Variants in RARB observed in about 807,000 individuals in gnomAD.
RARB encodes the protein HBV-activated protein.
In RARB, 17 loss-of-function variants were observed where a neutral mutation model predicts 51.9. The ratio of observed to expected loss-of-function variants is 0.33; its 90% CI spans 0.22 to 0.49. The LOEUF (loss-of-function observed/expected upper bound fraction) is 0.49. Ranked by LOEUF, RARB falls within the 20% of genes least tolerant of loss-of-function variation. RARB has a pLI of 0.99. For synonymous variants in RARB, 215 were observed against 195.4 expected (o/e 1.10, Z -0.84); for missense variants, 369 against 550.8 (o/e 0.67, Z 3.30).
intron 5 of RARB, among the ~76,000 whole-genome samples, chr3:25,301,425 C>T (rs1463342621): frequency 1.4e-5 from 2 of 143,908 alleles, no homozygotes; most frequent in African/African-American, 5.0e-5. Flanking sequence ...TGGAGTTACT[C>T]ACAGCTCTGT....
At chr3:25,012,533 A>G (rs1216622046) in intron 2 of RARB, among the ~76,000 whole-genome samples, 1 of 152,120 alleles carries the variant, frequency 6.6e-6, no homozygotes, top group Non-Finnish European at 1.5e-5. Context: ...AACCTGAATG[A>G]TACACTGATT....
At chr3:25,243,690 G>A (rs1575250253) in intron 5 of RARB, among the ~76,000 whole-genome samples, 1 of 152,066 alleles carries the variant, frequency 6.6e-6, no homozygotes, top group Non-Finnish European at 1.5e-5. Flanking sequence ...GCTTTTTAAT[G>A]TGCTTCTAGA....
At chr3:24,912,156 T>C (rs1469674936) in intron 2 of RARB, among the ~76,000 whole-genome samples, 1 of 152,114 alleles carries the variant, frequency 6.6e-6, no homozygotes, top group Non-Finnish European at 1.5e-5. Flanking sequence ...TTGCTAGAAA[T>C]TTGAGAATGA....
At chr3:25,391,219 C>T (rs1395811519) in intron 5 of RARB, among the ~76,000 whole-genome samples, 2 of 152,088 alleles carry the variant, frequency 1.3e-5, no homozygotes, top group Non-Finnish European at 2.9e-5. Flanking sequence ...CTGTAAATGC[C>T]ATTATTTCAT....
intron 4 of RARB, among the ~76,000 whole-genome samples, chr3:25,148,261 GTTCAA>G (rs4021377): frequency 0.47 from 71,888 of 151,584 alleles, 17,723 homozygotes; most frequent in East Asian, 0.7. Flanking sequence ...GAAACACACC[GTTCAA>G]TTCACTGGCT....
chr3:25,117,844 C>G (rs1699717309), intron 3 of RARB, among the ~76,000 whole-genome samples: 1 of 152,106 alleles, frequency 6.6e-6, no homozygotes, highest in Non-Finnish European at 1.5e-5. Context: ...AAAAATCTTA[C>G]TAAAATGTGT....
intron 3 of RARB, among the ~76,000 whole-genome samples, chr3:25,506,451 T>G (rs566848265): frequency 4.0e-5 from 6 of 151,600 alleles, no homozygotes; most frequent in Non-Finnish European, 8.8e-5. Flanking sequence ...ACAAAATTTT[T>G]TTAAAAATTA....
intron 5 of RARB, among the ~76,000 whole-genome samples, chr3:25,394,802 G>A (rs368192241): frequency 1.3e-5 from 2 of 152,156 alleles, no homozygotes; most frequent in East Asian, 3.9e-4. Flanking sequence ...TTATGTGTTA[G>A]GTGAGTCTCT....
intron 2 of RARB, among the ~76,000 whole-genome samples, chr3:25,491,023 T>C (rs1472385351): frequency 6.6e-6 from 1 of 152,180 alleles, no homozygotes; most frequent in Non-Finnish European, 1.5e-5. Context: ...CAAGATATCA[T>C]ATTTATGATA....
intron 2 of RARB, among the ~76,000 whole-genome samples, chr3:25,059,385 A>T (rs1391027898): frequency 6.6e-6 from 1 of 151,748 alleles, no homozygotes; most frequent in East Asian, 1.9e-4. Context: ...TCCCCCAGAA[A>T]AAAACCATAC....
At chr3:25,364,800 C>G (rs184952272) in intron 5 of RARB, among the ~76,000 whole-genome samples, 20 of 152,306 alleles carry the variant, frequency 1.3e-4, no homozygotes, top group African/African-American at 4.8e-4. Context: ...TTCTGTCTTC[C>G]TTTGCCTTTT....
At chr3:24,943,503 T>G (rs924405364) in intron 2 of RARB, among the ~76,000 whole-genome samples, 1 of 152,192 alleles carries the variant, frequency 6.6e-6, no homozygotes, top group African/African-American at 2.4e-5. Flanking sequence ...TAAATGAGAC[T>G]TGGTAGAAAT....
chr3:25,376,186 G>A (rs763073486), intron 5 of RARB, among the ~76,000 whole-genome samples: 3 of 151,972 alleles, frequency 2.0e-5, no homozygotes, highest in Non-Finnish European at 4.4e-5. Context: ...ACATAAAATG[G>A]CATTTTGCTC....
chr3:25,049,384 C>G (rs1366525230), intron 2 of RARB, among the ~76,000 whole-genome samples: 2 of 152,200 alleles, frequency 1.3e-5, no homozygotes, highest in African/African-American at 2.4e-5. Context: ...ATTTAGGGTT[C>G]TAGGAATTTC....
In RARB at chr3:25,213,484, G is replaced by T. The variant is rs1423824276; in HGVS notation, c.178+38909G>T. On this transcript the variant is annotated intron_variant, in intron 5 of 11. Transcript: ENST00000383772. ...ATTCTATTGCTTTGACATTTGGGAA[G>T]TTTCCATTTTTGAAGCATTACCAAT... 3.3e-5 allele frequency among the ~76,000 whole-genome samples: 5 copies of T among 152,224 alleles called. No individual in the cohort carries two copies. The East Asian group carries it at 7.7e-4, about 24-fold the overall frequency.
At chr3:25,215,756 C>G (rs1293498942) in intron 5 of RARB, among the ~76,000 whole-genome samples, 4 of 152,026 alleles carry the variant, frequency 2.6e-5, no homozygotes, top group Admixed American at 1.3e-4. Flanking sequence ...GGGAGTCATT[C>G]AAAAGTGGAA....
intron 5 of RARB, among the ~76,000 whole-genome samples, chr3:25,317,083 G>GTAT (rs1244808366): frequency 3.3e-4 from 14 of 42,776 alleles, no homozygotes; most frequent in Non-Finnish European, 6.2e-4. Flanking sequence ...ATTATAAGTC[G>GTAT]TGTAAAAGAA....
At chr3:24,946,842 G>T (rs1232001315) in intron 2 of RARB, among the ~76,000 whole-genome samples, 1 of 152,192 alleles carries the variant, frequency 6.6e-6, no homozygotes, top group Non-Finnish European at 1.5e-5. Context: ...TCCAGCCTGG[G>T]TGACAGGGTG....
At chr3:24,846,612 G>A (rs535225722) in intron 1 of RARB, among the ~76,000 whole-genome samples, 9 of 152,328 alleles carry the variant, frequency 5.9e-5, no homozygotes, top group East Asian at 5.8e-4. Flanking sequence ...CAGGGATTCC[G>A]AAGTATGTCT....
Sources: gnomAD v4.1 joint callset for allele counts (sites outside exome capture counted in the v4.1 genomes callset) on GRCh38, gnomAD v4.1.1 for gene constraint, MANE v1.5 for transcripts, NCBI Gene and HGNC (gene_info 2026-07-23, HGNC 2026-07-21) for gene names.